Variants in DMD observed in about 807,000 individuals in gnomAD.
DMD encodes the protein mutant dystrophin.
DMD carries 63 observed loss-of-function variants against 330.1 expected under a neutral mutation model. That is an observed-to-expected ratio of 0.19 (90% CI 0.16 to 0.24). The LOEUF is 0.24. Ranked by LOEUF, DMD falls within the 10% of genes least tolerant of loss-of-function variation. The pLI is 1.00. For missense variants in DMD, 3,344 were observed against 2,684.1 expected (o/e 1.25, Z -5.43); for synonymous variants, 1,223 against 959.8 (o/e 1.27, Z -5.07).
intron 2 of DMD, among the ~76,000 whole-genome samples, chrX:32,983,192 T>A (rs1296866191): frequency 9.0e-6 from 1 of 110,906 alleles, no homozygotes; most frequent in Non-Finnish European, 1.9e-5. Flanking sequence ...ACTAGTTTTA[T>A]ACCCACTATC....
intron 55 of DMD, among the ~76,000 whole-genome samples, chrX:31,585,351 G>GTAAACATA (rs2076547051): frequency 1.0e-5 from 1 of 99,558 alleles, no homozygotes; most frequent in Non-Finnish European, 2.0e-5. Context: ...AAAAAAGAAT[G>GTAAACATA]TAAACATATA....
At chrX:32,931,555 G>A (rs1394461291) in intron 2 of DMD, among the ~76,000 whole-genome samples, 1 of 111,475 alleles carries the variant, frequency 9.0e-6, no homozygotes, top group Non-Finnish European at 1.9e-5. Context: ...TTATGGCTAA[G>A]GTCAGTGAGA....
chrX:32,999,519 G>A (rs371230358), intron 2 of DMD, among the ~76,000 whole-genome samples: 2 of 111,236 alleles, frequency 1.8e-5, no homozygotes, highest in East Asian at 2.8e-4. Flanking sequence ...GATGACCAAC[G>A]CAGAATCTCA....
chrX:32,007,658 A>C (rs2095672480), intron 44 of DMD, among the ~76,000 whole-genome samples: 1 of 111,038 alleles, frequency 9.0e-6, no homozygotes, highest in African/African-American at 3.3e-5. Flanking sequence ...CTAGAAGTAA[A>C]GATTTCAGGC....
chrX:32,420,450 T>C (rs2098185099), intron 29 of DMD, among the ~76,000 whole-genome samples: 1 of 112,027 alleles, frequency 8.9e-6, no homozygotes, highest in African/African-American at 3.2e-5. Flanking sequence ...CCAAGTGGTA[T>C]AGGTTAATTA....
intron 44 of DMD, among the ~76,000 whole-genome samples, chrX:32,132,707 G>A (rs1455319108): frequency 1.8e-5 from 2 of 110,426 alleles, no homozygotes; most frequent in Admixed American, 9.7e-5. Flanking sequence ...TGGCTTCGGT[G>A]TTCATTCAAG....
chrX:32,503,481 T>C (rs1384680371), intron 18 of DMD, among the ~76,000 whole-genome samples: 1 of 112,580 alleles, frequency 8.9e-6, no homozygotes, highest in East Asian at 2.8e-4. Context: ...TAAATGCTTA[T>C]ACAATAATCC....
chrX:32,463,008 G>T (rs2098389046), intron 25 of DMD, among the ~76,000 whole-genome samples: 1 of 111,372 alleles, frequency 9.0e-6, no homozygotes, highest in Non-Finnish European at 1.9e-5. Context: ...GCCAAACTTG[G>T]AAATGTTAAT....
chrX:32,246,691 G>C (rs1437920772), intron 43 of DMD, among the ~76,000 whole-genome samples: 11 of 101,181 alleles, frequency 1.1e-4, no homozygotes, highest in Non-Finnish European at 2.2e-4. Context: ...TTTAGTCTTG[G>C]GAGAGTGTAT....
intron 44 of DMD, among the ~76,000 whole-genome samples, chrX:31,978,641 G>T (rs1217769788): frequency 9.0e-6 from 1 of 111,682 alleles, no homozygotes; most frequent in East Asian, 2.8e-4. Flanking sequence ...TTCTTACAAT[G>T]ACTTTCCAAT....
chrX:32,641,126 A>G (rs2059418461), intron 11 of DMD, among the ~76,000 whole-genome samples: 1 of 111,220 alleles, frequency 9.0e-6, no homozygotes, highest in Non-Finnish European at 1.9e-5. Flanking sequence ...ACTAAATGGT[A>G]CCAACCTTCA....
intron 60 of DMD, among the ~76,000 whole-genome samples, chrX:31,396,160 C>T (rs1170490480): frequency 2.2e-5 from 2 of 93,019 alleles, no homozygotes; most frequent in Admixed American, 1.3e-4. Context: ...TTTTTTGAGA[C>T]GGAGTCTCGC....
intron 7 of DMD, among the ~76,000 whole-genome samples, chrX:32,753,018 G>A (rs745840413): frequency 5.4e-5 from 6 of 110,620 alleles, no homozygotes; most frequent in Non-Finnish European, 9.4e-5. Context: ...GCATGAAAAC[G>A]GACTAATACA....
At chrX:32,378,448 T>C (rs2097912625) in intron 34 of DMD, among the ~76,000 whole-genome samples, 1 of 110,247 alleles carries the variant, frequency 9.1e-6, no homozygotes, top group South Asian at 3.7e-4. Flanking sequence ...AAGATAAAAC[T>C]GATACTATTT....
At chrX:32,845,908 G>T (rs1301141160) in intron 3 of DMD, among the ~76,000 whole-genome samples, 3 of 112,211 alleles carry the variant, frequency 2.7e-5, no homozygotes, top group African/African-American at 9.7e-5. Flanking sequence ...TGATTTACAA[G>T]AGAATTCGAC....
chrX:31,209,564 T>C lies in DMD; in HGVS notation c.9497A>G (p.Asn3166Ser), dbSNP rs911738713. The C allele has an allele frequency of 1.7e-6, 2 of 1,211,532 alleles. No homozygotes were observed. Among genetic ancestry groups the C allele is most frequent in the Non-Finnish European group, 2.2e-6 (2 of 895,405 alleles). ...GCAGAGAGGGACGTTGACCAAATTG[T>C]TGTGCTCTTGCTCCAGGCGGTCATA... ...TIYDRLEQEH[N>S]NLVNVPLCVD... The change falls in exon 65 of 79, where the codon AAC (asparagine) becomes AGC (serine). Residue 3166 changes from asparagine to serine, a missense_variant. Asn to Ser is a conservative substitution (Grantham distance 46, BLOSUM62 1). Coordinates refer to ENST00000357033, the MANE Select transcript of DMD (RefSeq NM_004006.3).
chrX:32,210,215 G>A (rs2097088475), intron 44 of DMD, among the ~76,000 whole-genome samples: 1 of 112,049 alleles, frequency 8.9e-6, no homozygotes, highest in African/African-American at 3.2e-5. Flanking sequence ...AGTGACTAGA[G>A]ACAAATTCTC....
In DMD at chrX:32,448,003, T is replaced by C. The variant is rs748298523; in HGVS notation, c.3786+453A>G. ...GAACTCTATGGGGCACGGCAATTAC[T>C]AAAGACAATTGTAGTAAAAACATAC... On this transcript the variant is annotated intron_variant, in intron 27 of 78. Transcript: ENST00000357033. Among the ~76,000 whole-genome samples the C allele has an allele frequency of 8.7e-4, 97 of 111,057 alleles. No individual in the cohort carries two copies. The Admixed American group carries it at 9.0e-3, about 10-fold the overall frequency.
At chrX:32,546,941 T>C (rs1205694076) in intron 16 of DMD, among the ~76,000 whole-genome samples, 2 of 111,735 alleles carry the variant, frequency 1.8e-5, no homozygotes, top group Non-Finnish European at 3.8e-5. Context: ...AAAAAGAAAA[T>C]GTAGTTTTTA....
Sources: allele counts gnomAD v4.1 joint callset (sites outside exome capture counted in the v4.1 genomes callset), GRCh38; gene constraint gnomAD v4.1.1; transcripts MANE v1.5; gene names NCBI Gene and HGNC (gene_info 2026-07-23, HGNC 2026-07-21).